The following MCC variants were observed in gnomAD, a reference collection of about 807,000 sequenced individuals.
The protein encoded by MCC is MCC regulator of Wnt signaling pathway.
In MCC, 90 loss-of-function variants were observed where a neutral mutation model predicts 116.2. The observed-to-expected ratio is 0.77, with a 90% CI of 0.65 to 0.92. The LOEUF is 0.92. Among genes scored for constraint, MCC ranks in the 40% least tolerant of loss-of-function variants. MCC has a pLI of 0.00. For synonymous variants in MCC, 578 were observed against 510.5 expected (o/e 1.13, Z -1.78); for missense variants, 1,516 against 1,312.2 (o/e 1.16, Z -2.40).
intron 3 of MCC, among the ~76,000 whole-genome samples, chr5:113,246,350 C>T (rs981511547): frequency 2.0e-5 from 3 of 152,080 alleles, no homozygotes; most frequent in African/African-American, 2.4e-5. Flanking sequence ...AGCAATTTCT[C>T]GTGAAGTCTC....
chr5:113,126,177 A>G (rs1758038825), intron 5 of MCC, among the ~76,000 whole-genome samples: 1 of 152,170 alleles, frequency 6.6e-6, no homozygotes, highest in Admixed American at 6.5e-5. Flanking sequence ...GCAACCATTA[A>G]TGTTTGCTCC....
chr5:113,048,781 G>A (rs1294355496), intron 16 of MCC: 41 of 478,666 alleles, frequency 8.6e-5, no homozygotes, highest in Non-Finnish European at 1.1e-4. Flanking sequence ...GAGGGCTGCC[G>A]TGTGACAGAG....
intron 3 of MCC, among the ~76,000 whole-genome samples, chr5:113,179,379 G>C (rs541295765): frequency 1.3e-5 from 2 of 152,154 alleles, no homozygotes; most frequent in Non-Finnish European, 2.9e-5. Context: ...ATGCTGTTAG[G>C]GGCAAGTACA....
At chr5:113,169,898 G>A (rs545190723) in intron 3 of MCC, among the ~76,000 whole-genome samples, 1 of 152,200 alleles carries the variant, frequency 6.6e-6, no homozygotes, top group Non-Finnish European at 1.5e-5. Flanking sequence ...TGCACTGTTT[G>A]GGAGATCGGC....
chr5:113,192,137 C>CA (rs2150314293), intron 3 of MCC, among the ~76,000 whole-genome samples: 1 of 152,292 alleles, frequency 6.6e-6, no homozygotes, highest in South Asian at 2.1e-4. Context: ...GCTAGTGCCA[C>CA]ATGCCCCTTC....
rs556835419 is a variant in MCC at position 113,333,060 on chromosome 5, C to T, written c.627+7459G>A. On this transcript the variant is annotated intron_variant, in intron 3 of 18. Transcript: ENST00000408903. ...TGTAAAAACAAACAAAAAAACTCCT[C>T]GGTATTTTATGGTTGATATGAAAAA... is the stretch of plus-strand genomic sequence containing the variant. 2.6e-5 allele frequency among the ~76,000 whole-genome samples: 4 copies of T among 151,614 alleles called. No individual in the cohort carries two copies. In the East Asian group the frequency reaches 7.7e-4, roughly 29 times the overall value.
At chr5:113,437,419 C>G (rs925591366) in intron 1 of MCC, among the ~76,000 whole-genome samples, 3 of 152,186 alleles carry the variant, frequency 2.0e-5, no homozygotes, top group African/African-American at 7.2e-5. Context: ...TCCTTTACCC[C>G]TGTTATGTTC....
At chr5:113,456,623 A>T (rs1336121412) in intron 1 of MCC, among the ~76,000 whole-genome samples, 10 of 51,074 alleles carry the variant, frequency 2.0e-4, no homozygotes, top group Non-Finnish European at 2.4e-4. Context: ...TGCCCAGCTA[A>T]TTTTTTTTTT....
At chr5:113,208,470 C>T (rs976791796) in intron 3 of MCC, among the ~76,000 whole-genome samples, 1 of 151,948 alleles carries the variant, frequency 6.6e-6, no homozygotes. Context: ...GATGCTGCCC[C>T]GTATAAAAAA....
At chr5:113,108,986 G>A (rs985744165) in intron 6 of MCC, among the ~76,000 whole-genome samples, 5 of 152,120 alleles carry the variant, frequency 3.3e-5, no homozygotes, top group Non-Finnish European at 7.3e-5. Flanking sequence ...AGACTGGGCC[G>A]CCTGGAGCAG....
intron 1 of MCC, among the ~76,000 whole-genome samples, chr5:113,429,193 T>C (rs985998407): frequency 1.3e-5 from 2 of 151,072 alleles, no homozygotes; most frequent in African/African-American, 4.9e-5. Flanking sequence ...ACAGGGTCTT[T>C]AGGAGGTAAT....
chr5:113,324,298 T>C (rs1273913412), intron 3 of MCC, among the ~76,000 whole-genome samples: 1 of 152,192 alleles, frequency 6.6e-6, no homozygotes, highest in Non-Finnish European at 1.5e-5. Flanking sequence ...AGTACAAATA[T>C]TTACTTTTGG....
chr5:113,464,667 T>G (rs964363533), intron 1 of MCC, among the ~76,000 whole-genome samples: 19 of 152,204 alleles, frequency 1.2e-4, no homozygotes, highest in African/African-American at 3.6e-4. Context: ...GTTGGCTATT[T>G]TGTTCACTGC....
chr5:113,131,261 C>CT (rs1758411569), intron 5 of MCC, among the ~76,000 whole-genome samples: 1 of 152,030 alleles, frequency 6.6e-6, no homozygotes, highest in African/African-American at 2.4e-5. Flanking sequence ...TTTTTATTTT[C>CT]TTTTCACATC....
chr5:113,138,646 A>T (rs562651365), intron 5 of MCC, among the ~76,000 whole-genome samples: 1 of 152,286 alleles, frequency 6.6e-6, no homozygotes, highest in East Asian at 1.9e-4. Context: ...ATATTGTGTT[A>T]TGGCAGCCCA....
intron 3 of MCC, among the ~76,000 whole-genome samples, chr5:113,337,556 G>A (rs1185522550): frequency 4.6e-5 from 7 of 152,038 alleles, no homozygotes; most frequent in Non-Finnish European, 7.4e-5. Flanking sequence ...GCTGTTCTTC[G>A]TATGTGCTAT....
At chr5:113,397,169 A>G (rs1769548466) in intron 1 of MCC, among the ~76,000 whole-genome samples, 1 of 152,186 alleles carries the variant, frequency 6.6e-6, no homozygotes, top group Non-Finnish European at 1.5e-5. Context: ...CAATTCCAAC[A>G]TTACCTAAAC....
At chr5:113,267,778 G>A (rs955101784) in intron 3 of MCC, among the ~76,000 whole-genome samples, 9 of 152,178 alleles carry the variant, frequency 5.9e-5, no homozygotes, top group South Asian at 2.1e-4. Flanking sequence ...TGTTTTAAAC[G>A]TAGTAATGGT....
chr5:113,485,929 C>A (rs1305026010), intron 1 of MCC, among the ~76,000 whole-genome samples: 2 of 152,164 alleles, frequency 1.3e-5, no homozygotes, highest in African/African-American at 2.4e-5. Context: ...AACAGGAATG[C>A]ACAACCCTCC....
Sources: allele counts gnomAD v4.1 joint callset (sites outside exome capture counted in the v4.1 genomes callset), GRCh38; gene constraint gnomAD v4.1.1; transcripts MANE v1.5; gene names NCBI Gene and HGNC (gene_info 2026-07-23, HGNC 2026-07-21).